Variants in RGS6 observed in about 807,000 individuals in gnomAD.
RGS6 encodes regulator of G-protein signaling 6.
RGS6 carries 30 observed loss-of-function variants against 78.5 expected under a neutral mutation model. The ratio of observed to expected loss-of-function variants is 0.38; its 90% CI spans 0.29 to 0.52. The LOEUF (loss-of-function observed/expected upper bound fraction) is 0.52, where lower values mean the gene tolerates loss of function less well. Ranked by LOEUF, RGS6 falls within the 20% of genes least tolerant of loss-of-function variation. The pLI is 0.85. For synonymous variants in RGS6, 206 were observed against 206.0 expected (o/e 1.00, Z 0.00); for missense variants, 495 against 609.7 (o/e 0.81, Z 1.98).
In RGS6 at chr14:72,213,878, A is replaced by T. The variant is rs1239411859; in HGVS notation, c.85-138217A>T. ...CTAAGTCTAGGTTTGTTTTTATTTG[A>T]CACTACTCTCTATATTTTGGTATTT... On this transcript the variant is annotated intron_variant, in intron 2 of 17. Transcript: ENST00000553525. Among the ~76,000 whole-genome samples, 6 of 152,132 alleles carry T rather than the reference A, an allele frequency of 3.9e-5. 1 individual carries two copies. Among genetic ancestry groups the T allele is most frequent in the Non-Finnish European group, 8.8e-5 (6 of 68,028 alleles).
chr14:72,421,423 C>T lies in RGS6; in HGVS notation c.185-33105C>T, dbSNP rs144138672. On this transcript the variant is annotated intron_variant, in intron 3 of 17. Coordinates refer to ENST00000553525, the MANE Select transcript of RGS6 (RefSeq NM_001204424.2). ...AAAGACTGTATTGAAATGTCTTACACCCAGAACAGAGAAGTGGTATCACCA... is the reference window on the plus strand; with the variant it reads ...AAAGACTGTATTGAAATGTCTTACATCCAGAACAGAGAAGTGGTATCACCA... Among the ~76,000 whole-genome samples the T allele has an allele frequency of 7.3e-4, 111 of 152,262 alleles. 2 individuals carry two copies. Among genetic ancestry groups the T allele is most frequent in the African/African-American group, 2.6e-3 (107 of 41,550 alleles).
At chr14:71,909,481 CAGAGAGAGAGAG>C in the RGS6 span, among the ~76,000 whole-genome samples, 4 of 147,192 alleles carry the variant, frequency 2.7e-5, no homozygotes, top group Non-Finnish European at 6.0e-5. Flanking sequence ...TACACCTGCA[CAGAGAGAGAGAG>C]AGAGAGAGAA....
intron 2 of RGS6, among the ~76,000 whole-genome samples, chr14:72,153,404 G>C (rs2096722580): frequency 1.3e-5 from 2 of 152,182 alleles, no homozygotes; most frequent in African/African-American, 4.8e-5. Flanking sequence ...CTGTTTGCCT[G>C]CTTTTCACTG....
At chr14:72,179,313 G>T (rs1238256125) in intron 2 of RGS6, among the ~76,000 whole-genome samples, 1 of 152,188 alleles carries the variant, frequency 6.6e-6, no homozygotes, top group Non-Finnish European at 1.5e-5. Context: ...AATTCAGCTG[G>T]CTTGCTTGAA....
chr14:71,956,330 AGTGT>A (rs113351320), intron 1 of RGS6, among the ~76,000 whole-genome samples: 1,108 of 74,454 alleles, frequency 0.015, 16 homozygotes, highest in African/African-American at 0.056. Flanking sequence ...CAGAACTAAT[AGTGT>A]GTGTGTGTGT....
chr14:72,211,279 A>C (rs577434817), intron 2 of RGS6, among the ~76,000 whole-genome samples: 22 of 152,346 alleles, frequency 1.4e-4, no homozygotes, highest in African/African-American at 5.3e-4. Flanking sequence ...CAACAGTGTC[A>C]GGTGCAGCTA....
rs139973137 is a variant in RGS6 at position 72,026,129 on chromosome 14, G to A, written c.84+61254G>A. ...TGGTAATAAGTAGCCATCAGGGGCCGGGCATGGTGGCTCACACCTGTAATC... is the reference window on the plus strand; with the variant it reads ...TGGTAATAAGTAGCCATCAGGGGCCAGGCATGGTGGCTCACACCTGTAATC... On this transcript the variant is annotated intron_variant, in intron 2 of 17. Coordinates refer to ENST00000553525, the MANE Select transcript of RGS6 (RefSeq NM_001204424.2). 8.8e-3 allele frequency among the ~76,000 whole-genome samples: 1,342 copies of A among 152,124 alleles called. 15 individuals carry two copies. The highest frequency in any genetic ancestry group is 0.029 in the African/African-American group (1,218 of 41,508).
At chr14:71,962,174 A>G (rs2093248577) in intron 1 of RGS6, among the ~76,000 whole-genome samples, 1 of 152,230 alleles carries the variant, frequency 6.6e-6, no homozygotes, top group Non-Finnish European at 1.5e-5. Flanking sequence ...TACGAGGCTT[A>G]CTAAAATTCT....
chr14:72,393,205 T>A (rs1486118048), intron 3 of RGS6, among the ~76,000 whole-genome samples: 1 of 152,178 alleles, frequency 6.6e-6, no homozygotes, highest in Non-Finnish European at 1.5e-5. Context: ...TTGTCCGCAC[T>A]TTTCTCAGAG....
intron 2 of RGS6, among the ~76,000 whole-genome samples, chr14:72,291,015 C>T (rs1341831794): frequency 6.6e-6 from 1 of 152,018 alleles, no homozygotes; most frequent in African/African-American, 2.4e-5. Context: ...GATCACCATG[C>T]CTCTCAACTC....
intron 2 of RGS6, among the ~76,000 whole-genome samples, chr14:72,187,903 T>A (rs774457021): frequency 6.6e-6 from 1 of 152,252 alleles, no homozygotes; most frequent in Non-Finnish European, 1.5e-5. Context: ...AAACTGGAGT[T>A]GTTCCCCATG....
intron 2 of RGS6, among the ~76,000 whole-genome samples, chr14:72,332,033 C>T (rs1301021580): frequency 1.3e-5 from 2 of 152,142 alleles, no homozygotes; most frequent in African/African-American, 4.8e-5. Flanking sequence ...CCAGAGGTGG[C>T]CTGTGAATTA....
chr14:72,113,935 A>C (rs541962897), intron 2 of RGS6, among the ~76,000 whole-genome samples: 10 of 152,196 alleles, frequency 6.6e-5, no homozygotes, highest in Non-Finnish European at 1.0e-4. Flanking sequence ...CCATGAAAAA[A>C]TTGTATTATC....
At chr14:72,583,075 C>T in the RGS6 span, among the ~76,000 whole-genome samples, 55,602 of 152,028 alleles carry the variant, frequency 0.37, 11,002 homozygotes, top group Non-Finnish European at 0.43. Context: ...TCTTCTCCTC[C>T]TTTGGACATC....
At chr14:72,084,011 T>C (rs191912224) in intron 2 of RGS6, among the ~76,000 whole-genome samples, 7 of 152,310 alleles carry the variant, frequency 4.6e-5, no homozygotes, top group Admixed American at 1.3e-4. Flanking sequence ...GTTGTATAGG[T>C]GTTTGCATTT....
the RGS6 span, among the ~76,000 whole-genome samples, chr14:71,869,700 A>G: frequency 1.3e-5 from 2 of 152,338 alleles, no homozygotes; most frequent in East Asian, 1.9e-4. Flanking sequence ...TTGATGGCAT[A>G]TCAAAACTTG....
chr14:72,553,379 C>T (rs975897366), intron 17 of RGS6: 2 of 152,652 alleles, frequency 1.3e-5, no homozygotes, highest in Admixed American at 6.5e-5. Context: ...GGCGTTCGCA[C>T]ACTCTCTAAT....
chr14:72,388,600 C>T (rs569143162), intron 3 of RGS6, among the ~76,000 whole-genome samples: 1 of 152,248 alleles, frequency 6.6e-6, no homozygotes, highest in East Asian at 1.9e-4. Context: ...GGCCAGAGTA[C>T]ATGGTCATTT....
intron 2 of RGS6, among the ~76,000 whole-genome samples, chr14:72,052,983 T>TTCTTTCTTTC (rs1447550101): frequency 3.9e-4 from 33 of 85,628 alleles, no homozygotes; most frequent in African/African-American, 1.7e-3. Context: ...CTTTCTTTCT[T>TTCTTTCTTTC]TCTCTCTCTC....
Sources: allele counts gnomAD v4.1 joint callset (sites outside exome capture counted in the v4.1 genomes callset), GRCh38; gene constraint gnomAD v4.1.1; transcripts MANE v1.5; gene names NCBI Gene and HGNC (gene_info 2026-07-23, HGNC 2026-07-21).